The following AQP7B variants were observed in gnomAD, a reference collection of about 807,000 sequenced individuals.
AQP7B encodes putative aquaporin-7B.
the AQP7B span, chr2:94,603,524 C>G: frequency 6.9e-6 from 11 of 1,594,322 alleles, no homozygotes; most frequent in Middle Eastern, 4.4e-4. Flanking sequence ...GGATGAGTAC[C>G]CCTCCCCCTG....
chr2:94,601,402 A>G, the AQP7B span, among the ~76,000 whole-genome samples: 1 of 152,140 alleles, frequency 6.6e-6, no homozygotes, highest in South Asian at 2.1e-4. Context: ...TCCAATGGGG[A>G]TTTGCAAATA....
At chr2:94,596,131 C>T in the AQP7B span, among the ~76,000 whole-genome samples, 1 of 152,218 alleles carries the variant, frequency 6.6e-6, no homozygotes, top group South Asian at 2.1e-4. Context: ...TGGGCAGCGG[C>T]AGATGGGCCA....
chr2:94,589,411 A>G, the AQP7B span, among the ~76,000 whole-genome samples: 3 of 151,776 alleles, frequency 2.0e-5, no homozygotes, highest in East Asian at 1.9e-4. Context: ...GCCCACTCTC[A>G]TCTTCATGGC....
the AQP7B span, among the ~76,000 whole-genome samples, chr2:94,593,807 C>T: frequency 6.6e-6 from 1 of 152,004 alleles, no homozygotes; most frequent in East Asian, 1.9e-4. Context: ...TCTTTATCCT[C>T]CAGTCCCACC....
At chr2:94,597,617 T>G in the AQP7B span, among the ~76,000 whole-genome samples, 78 of 151,388 alleles carry the variant, frequency 5.2e-4, 1 homozygote, top group Admixed American at 3.4e-3. Flanking sequence ...TTTTTGTTTT[T>G]TTTTTTTTGT....
the AQP7B span, among the ~76,000 whole-genome samples, chr2:94,592,812 C>CT: frequency 0.017 from 859 of 51,768 alleles, 192 homozygotes; most frequent in Middle Eastern, 0.022. Context: ...ATTAATTAAG[C>CT]TTTTTTTTTT....
chr2:94,593,327 G>A, the AQP7B span, among the ~76,000 whole-genome samples: 5 of 152,020 alleles, frequency 3.3e-5, no homozygotes, highest in South Asian at 4.2e-4. Flanking sequence ...GGACTGGCAT[G>A]TGCAAAGGCC....
the AQP7B span, chr2:94,603,635 C>A: frequency 1.5e-6 from 2 of 1,313,360 alleles, no homozygotes; most frequent in Admixed American, 2.6e-5. Context: ...TGCTGGTGGG[C>A]TTGGGTCTGG....
At chr2:94,588,556 C>A in the AQP7B span, 1 of 817,454 alleles carries the variant, frequency 1.2e-6, no homozygotes, top group South Asian at 1.6e-5. Flanking sequence ...CGGTAAGTAC[C>A]CCACCCTCTT....
At chr2:94,594,107 C>T in the AQP7B span, among the ~76,000 whole-genome samples, 1 of 152,218 alleles carries the variant, frequency 6.6e-6, no homozygotes, top group Non-Finnish European at 1.5e-5. Flanking sequence ...CCCTCCCTCT[C>T]TCTTGGTCAT....
chr2:94,603,020 T>C, the AQP7B span: 5 of 1,590,926 alleles, frequency 3.1e-6, no homozygotes, highest in Admixed American at 7.0e-5. Flanking sequence ...CCTGACACAC[T>C]TGCCTGCTGC....
chr2:94,599,864 C>CTCTTTTTTTTT, the AQP7B span, among the ~76,000 whole-genome samples: 13 of 151,708 alleles, frequency 8.6e-5, no homozygotes, highest in East Asian at 9.7e-4. Context: ...TGCCTTTCAA[C>CTCTTTTTTTTT]TCTTTTTTTT....
the AQP7B span, among the ~76,000 whole-genome samples, chr2:94,594,288 G>A: frequency 6.6e-6 from 1 of 152,228 alleles, no homozygotes. Context: ...GCTGTTTGTA[G>A]AGTGCCTCAC....
At chr2:94,588,923 C>A in the AQP7B span, among the ~76,000 whole-genome samples, 1 of 151,970 alleles carries the variant, frequency 6.6e-6, no homozygotes, top group Non-Finnish European at 1.5e-5. Flanking sequence ...CTGACCTCCC[C>A]ACTCCAGCCC....
At chr2:94,589,629 T>C in the AQP7B span, among the ~76,000 whole-genome samples, 25 of 152,328 alleles carry the variant, frequency 1.6e-4, no homozygotes, top group African/African-American at 5.8e-4. Flanking sequence ...GCCTGTTGTA[T>C]ACTTGGACGG....
the AQP7B span, chr2:94,603,297 C>T: frequency 6.9e-7 from 1 of 1,457,872 alleles, no homozygotes; most frequent in Admixed American, 1.9e-5. Flanking sequence ...TGGAGCTCCC[C>T]CACCCTCTAA....
chr2:94,603,883 C>T, the AQP7B span: 5 of 1,364,866 alleles, frequency 3.7e-6, no homozygotes, highest in Middle Eastern at 2.4e-4. Flanking sequence ...GGACCCGCCC[C>T]CCAGCATCTT....
At chr2:94,604,388 C>A in the AQP7B span, 1 of 1,611,436 alleles carries the variant, frequency 6.2e-7, no homozygotes, top group Non-Finnish European at 8.5e-7. Context: ...CACCATCCCA[C>A]GGGAGCCCCT....
At chr2:94,603,470 A>G in the AQP7B span, 4 of 1,611,678 alleles carry the variant, frequency 2.5e-6, no homozygotes, top group South Asian at 3.3e-5. Flanking sequence ...CTTCCTGATC[A>G]CATGACATTG....
Sources: gnomAD v4.1 joint callset for allele counts (sites outside exome capture counted in the v4.1 genomes callset) on GRCh38, gnomAD v4.1.1 for gene constraint, MANE v1.5 for transcripts, NCBI Gene and HGNC (gene_info 2026-07-23, HGNC 2026-07-21) for gene names.